Variants in HAO1 observed in about 807,000 individuals in gnomAD.
HAO1 encodes 2-Hydroxyacid oxidase 1.
In HAO1, 34 loss-of-function variants were observed where a neutral mutation model predicts 39.7. That is an observed-to-expected ratio of 0.86 (90% CI 0.65 to 1.14). The LOEUF is 1.14. Among genes scored for constraint, HAO1 ranks in the 50% most tolerant of loss-of-function variants. HAO1 has a pLI of 0.00. For synonymous variants in HAO1, 172 were observed against 173.2 expected (o/e 0.99, Z 0.05); for missense variants, 479 against 464.5 (o/e 1.03, Z -0.29).
Position 7,934,558 on chromosome 20 carries a change from C to T in HAO1, c.215G>A (p.Ser72Asn), listed in dbSNP as rs1228708197. 6.2e-7 allele frequency: 1 copy of T among 1,613,116 alleles called. No individual in the cohort carries two copies. Among genetic ancestry groups the T allele is most frequent in the East Asian group, 2.2e-5 (1 of 44,868 alleles). The change falls in exon 2 of 8, where the codon AGC becomes AAC. Residue 72 changes from serine (S) to asparagine (N), a missense_variant. By Grantham distance (46) the Ser-to-Asn change is conservative. Coordinates refer to ENST00000378789, the MANE Select transcript of HAO1 (RefSeq NM_017545.3). ...CGTAGCCCCCACACATATTGGCATG[C>T]TGACCCTCTGTCCTAAAACAGAAGT... is the stretch of plus-strand genomic sequence containing the variant. The part of the protein sequence containing the change: ...LSTSVLGQRV[S>N]MPICVGATAM...
chr20:7,901,046 G>C lies in HAO1; in HGVS notation c.721+5108C>G, dbSNP rs997062248. Among the ~76,000 whole-genome samples, 31 of 152,116 alleles carry C rather than the reference G, an allele frequency of 2.0e-4. 1 individual carries two copies. The highest frequency in any genetic ancestry group is 1.5e-5 in the Non-Finnish European group (1 of 68,032). ...CCCTTAAACCAAAGCCTAATCTAGA[G>C]CAACACCCTAACTCTCTTCAATTCT... On this transcript the variant is annotated intron_variant, in intron 4 of 7. Coordinates refer to ENST00000378789, the MANE Select transcript of HAO1 (RefSeq NM_017545.3).
intron 2 of HAO1, among the ~76,000 whole-genome samples, chr20:7,919,146 C>A (rs923534089): frequency 6.6e-6 from 1 of 152,096 alleles, no homozygotes; most frequent in East Asian, 1.9e-4. Context: ...TAATGTTGAT[C>A]CAAATCTAAA....
At position 7,883,277 on chromosome 20, in the gene HAO1, C is replaced by A; in HGVS notation, c.*316G>T. ...ATCTTTTCACCTTAGTGTTTGCTACCTCCAATTTTACTAAAGGATACAGCA... is the reference window on the plus strand; with the variant it reads ...ATCTTTTCACCTTAGTGTTTGCTACATCCAATTTTACTAAAGGATACAGCA... On this transcript the variant is annotated 3_prime_UTR_variant, in exon 8 of 8. Transcript: ENST00000378789. 3.0e-6 allele frequency: 1 copy of A among 330,704 alleles called. No homozygotes were observed. Among genetic ancestry groups the A allele is most frequent in the Non-Finnish European group, 5.7e-6 (1 of 175,742 alleles). The allele number at this position is 330,704 out of a possible 1,614,324, so 20.5% of individuals were successfully genotyped here. A position where few individuals can be genotyped will look rare whatever the true frequency, so the allele number is the denominator to read the frequency against.
intron 3 of HAO1, among the ~76,000 whole-genome samples, chr20:7,913,630 T>C (rs543102203): frequency 7.2e-5 from 11 of 152,312 alleles, no homozygotes; most frequent in African/African-American, 2.6e-4. Flanking sequence ...GATATATTGT[T>C]TTTGCTAAGA....
At chr20:7,938,815 A>G (rs1455064229) in intron 1 of HAO1, among the ~76,000 whole-genome samples, 2 of 152,176 alleles carry the variant, frequency 1.3e-5, no homozygotes, top group African/African-American at 4.8e-5. Context: ...CATGTAGTAC[A>G]CAGTGTAGCT....
At chr20:7,917,209 G>A (rs1197501201) in intron 2 of HAO1, among the ~76,000 whole-genome samples, 1 of 151,870 alleles carries the variant, frequency 6.6e-6, no homozygotes. Context: ...GCGTAGTGGC[G>A]CATGCCTGTA....
At chr20:7,914,812 A>G (rs1568516038) in intron 2 of HAO1, among the ~76,000 whole-genome samples, 4 of 152,190 alleles carry the variant, frequency 2.6e-5, no homozygotes. Flanking sequence ...AATGAAATGA[A>G]CACACCCATT....
intron 2 of HAO1, 50 bp downstream of exon 2, chr20:7,934,434 C>G: frequency 6.9e-7 from 1 of 1,447,012 alleles, no homozygotes; most frequent in Non-Finnish European, 9.4e-7. Context: ...AGAAGGAGGT[C>G]GATAAACGTT....
intron 2 of HAO1, 79 bp from the exon 3 acceptor site, chr20:7,914,498 A>T: frequency 4.7e-6 from 7 of 1,498,704 alleles, no homozygotes; most frequent in Non-Finnish European, 6.4e-6. Flanking sequence ...TTGGATGAGT[A>T]AAGACATCTA....
In HAO1 at chr20:7,895,121, G is replaced by A; in HGVS notation, c.813+12C>T. The A allele has an allele frequency of 1.3e-6, 2 of 1,561,022 alleles. No homozygotes were observed. Among genetic ancestry groups the A allele is most frequent in the South Asian group, 1.1e-5 (1 of 89,982 alleles). On this transcript the variant is annotated intron_variant, in intron 5 of 7. Transcript: ENST00000378789. ...ACTCCAAAAGGAAATCTTAGCGTCTGCCAAAACTCACAGTGGCTGGCACCC... is the reference window on the plus strand; with the variant it reads ...ACTCCAAAAGGAAATCTTAGCGTCTACCAAAACTCACAGTGGCTGGCACCC...
At chr20:7,926,152 A>G (rs1169000172) in intron 2 of HAO1, among the ~76,000 whole-genome samples, 1 of 152,134 alleles carries the variant, frequency 6.6e-6, no homozygotes, top group Non-Finnish European at 1.5e-5. Context: ...ATTTGGTTAC[A>G]CTTTAGAGTG....
intron 4 of HAO1, among the ~76,000 whole-genome samples, chr20:7,905,270 C>T (rs115264045): frequency 2.6e-4 from 40 of 151,292 alleles, no homozygotes; most frequent in African/African-American, 8.4e-4. Flanking sequence ...CTTTTATAAG[C>T]TCATTTCTTC....
chr20:7,935,292 G>A (rs1428334452), intron 1 of HAO1, among the ~76,000 whole-genome samples: 2 of 152,154 alleles, frequency 1.3e-5, no homozygotes, highest in Admixed American at 6.5e-5. Flanking sequence ...AGTTTGGGGG[G>A]AAATTCTAAA....
chr20:7,934,783 G>A (rs1320661621), intron 1 of HAO1, 148 bp from the exon 2 acceptor site: 2 of 532,608 alleles, frequency 3.8e-6, no homozygotes. Flanking sequence ...TGGAAAAGAG[G>A]CAATTTTACT....
chr20:7,909,340 T>G (rs1270987798), intron 3 of HAO1, among the ~76,000 whole-genome samples: 1 of 143,562 alleles, frequency 7.0e-6, no homozygotes, highest in East Asian at 2.0e-4. Flanking sequence ...CCATGAATGC[T>G]ATTTTTATTC....
At chr20:7,939,549 T>C (rs1486402348) in intron 1 of HAO1, among the ~76,000 whole-genome samples, 1 of 152,178 alleles carries the variant, frequency 6.6e-6, no homozygotes, top group African/African-American at 2.4e-5. Flanking sequence ...TGGATGAGAC[T>C]GAGTGTAGTG....
intron 5 of HAO1, among the ~76,000 whole-genome samples, chr20:7,894,469 AG>A (rs1323672050): frequency 6.6e-6 from 1 of 152,160 alleles, no homozygotes; most frequent in Non-Finnish European, 1.5e-5. Context: ...TACACCCCTA[AG>A]CCCCAACCAG....
rs2050170036 is a variant in HAO1, at chr20:7,890,621, A to C, written c.813+4512T>G. ...TATATGAGTAAGTTCTTAAGTAGTAATTTTTGAGATTTTGGTGCACCCATC... is the reference window on the plus strand; with the variant it reads ...TATATGAGTAAGTTCTTAAGTAGTACTTTTTGAGATTTTGGTGCACCCATC... On this transcript the variant is annotated intron_variant, in intron 5 of 7. Coordinates refer to ENST00000378789, the MANE Select transcript of HAO1 (RefSeq NM_017545.3). Among the ~76,000 whole-genome samples, 4 of 152,098 alleles carry C rather than the reference A, an allele frequency of 2.6e-5. No individual in the cohort carries two copies. In the South Asian group the frequency reaches 8.3e-4, roughly 32 times the overall value.
At chr20:7,935,818 T>C (rs2050407448) in intron 1 of HAO1, among the ~76,000 whole-genome samples, 1 of 152,162 alleles carries the variant, frequency 6.6e-6, no homozygotes, top group African/African-American at 2.4e-5. Context: ...TCATTAGTAC[T>C]GATTAAAATT....
Sources: gnomAD v4.1 joint callset for allele counts (sites outside exome capture counted in the v4.1 genomes callset) on GRCh38, gnomAD v4.1.1 for gene constraint, MANE v1.5 for transcripts, NCBI Gene and HGNC (gene_info 2026-07-23, HGNC 2026-07-21) for gene names.